The following IQGAP2 variants were observed in gnomAD, a reference collection of about 807,000 sequenced individuals.
IQGAP2 encodes the protein ras GTPase-activating-like protein IQGAP2.
A neutral mutation model predicts 201.3 loss-of-function variants in IQGAP2; 173 were observed. That is an observed-to-expected ratio of 0.86 (90% confidence interval 0.76 to 0.98). IQGAP2 has a LOEUF of 0.98. Ranked by LOEUF, IQGAP2 falls within the 50% of genes least tolerant of loss-of-function variation. The probability of loss-of-function intolerance (pLI) is 0.00; values close to 1 mark genes in which losing one functional copy is unlikely to be tolerated. For synonymous variants in IQGAP2, 675 were observed against 673.9 expected (o/e 1.00, Z -0.03); for missense variants, 1,687 against 1,864.8 (o/e 0.90, Z 1.76).
In IQGAP2 at chr5:76,439,690, A is replaced by G. The variant is rs189989880; in HGVS notation, c.47-21880A>G. On this transcript the variant is annotated intron_variant, in intron 1 of 35. Coordinates refer to ENST00000274364, the MANE Select transcript of IQGAP2 (RefSeq NM_006633.5). ...CTACTCTTGCTCTCTTTTGGTTTCCATTTGCGTGGAATACCTTTTTCACTC... is the reference window on the plus strand; with the variant it reads ...CTACTCTTGCTCTCTTTTGGTTTCCGTTTGCGTGGAATACCTTTTTCACTC... 6.1e-3 allele frequency among the ~76,000 whole-genome samples: 915 copies of G among 150,852 alleles called. 7 individuals are homozygous for G. The highest frequency in any genetic ancestry group is 0.02 in the African/African-American group (807 of 41,000).
intron 30 of IQGAP2, among the ~76,000 whole-genome samples, chr5:76,689,655 G>A (rs1456856558): frequency 6.6e-6 from 1 of 152,166 alleles, no homozygotes; most frequent in East Asian, 1.9e-4. Context: ...ACATGATTAA[G>A]TTTAGGTTCC....
chr5:76,464,366 G>A (rs1347236164), intron 2 of IQGAP2, among the ~76,000 whole-genome samples: 1 of 152,108 alleles, frequency 6.6e-6, no homozygotes, highest in Non-Finnish European at 1.5e-5. Flanking sequence ...TAGTACCTTT[G>A]GAATTTGTGA....
intron 2 of IQGAP2, among the ~76,000 whole-genome samples, chr5:76,481,274 T>C (rs977194315): frequency 3.3e-5 from 5 of 152,182 alleles, no homozygotes; most frequent in South Asian, 2.1e-4. Context: ...TTTTACCTTT[T>C]CTACTAGCCA....
chr5:76,603,866 T>C (rs188364624), intron 11 of IQGAP2, among the ~76,000 whole-genome samples: 4 of 152,302 alleles, frequency 2.6e-5, no homozygotes, highest in African/African-American at 9.6e-5. Flanking sequence ...GGAGAGGACA[T>C]TGACCTGTTT....
intron 2 of IQGAP2, among the ~76,000 whole-genome samples, chr5:76,473,183 C>T (rs544313775): frequency 4.6e-5 from 7 of 152,150 alleles, no homozygotes; most frequent in Non-Finnish European, 8.8e-5. Context: ...ATCATGTCTT[C>T]CTTGTAAGTC....
chr5:76,603,716 T>C (rs1427242004), intron 11 of IQGAP2, among the ~76,000 whole-genome samples: 3 of 152,228 alleles, frequency 2.0e-5, no homozygotes, highest in Non-Finnish European at 4.4e-5. Flanking sequence ...TGCCATGTTT[T>C]ACATGTAGTA....
intron 2 of IQGAP2, among the ~76,000 whole-genome samples, chr5:76,546,623 C>T (rs1215104109): frequency 3.9e-5 from 6 of 152,126 alleles, no homozygotes; most frequent in Non-Finnish European, 7.3e-5. Flanking sequence ...TCCTCTGTCA[C>T]GCCTGGCACA....
At chr5:76,563,527 T>C (rs184394780) in intron 3 of IQGAP2, among the ~76,000 whole-genome samples, 1 of 152,316 alleles carries the variant, frequency 6.6e-6, no homozygotes, top group African/African-American at 2.4e-5. Context: ...CTGTCTACTT[T>C]TTTACATTTG....
chr5:76,622,596 C>T (rs1401855043), intron 13 of IQGAP2, among the ~76,000 whole-genome samples: 1 of 152,062 alleles, frequency 6.6e-6, no homozygotes, highest in East Asian at 1.9e-4. Context: ...AAAGTACATT[C>T]AAAGTTGAAT....
intron 1 of IQGAP2, among the ~76,000 whole-genome samples, chr5:76,447,207 G>A (rs1255151223): frequency 6.6e-6 from 1 of 152,248 alleles, no homozygotes; most frequent in African/African-American, 2.4e-5. Flanking sequence ...CCTAGGCCTA[G>A]CTGGGAAGGT....
At chr5:76,484,891 G>T (rs1019528070) in intron 2 of IQGAP2, among the ~76,000 whole-genome samples, 3 of 152,174 alleles carry the variant, frequency 2.0e-5, no homozygotes, top group Non-Finnish European at 2.9e-5. Flanking sequence ...GAGTGCAGTG[G>T]CATGATCACG....
intron 30 of IQGAP2, among the ~76,000 whole-genome samples, chr5:76,693,145 A>ATAGAAAGCC (rs1746423756): frequency 6.6e-6 from 1 of 152,258 alleles, no homozygotes; most frequent in African/African-American, 2.4e-5. Flanking sequence ...AACATCAAGC[A>ATAGAAAGCC]CAGAAAGCCC....
At chr5:76,676,287 C>A (rs1240878605) in intron 27 of IQGAP2, among the ~76,000 whole-genome samples, 1 of 152,174 alleles carries the variant, frequency 6.6e-6, no homozygotes, top group African/African-American at 2.4e-5. Context: ...CTTTGTGTTT[C>A]TCAGAAATCT....
chr5:76,528,303 A>G (rs1759084409), intron 2 of IQGAP2, among the ~76,000 whole-genome samples: 1 of 152,130 alleles, frequency 6.6e-6, no homozygotes. Flanking sequence ...CTGTTATTTC[A>G]CATATTACTT....
intron 1 of IQGAP2, among the ~76,000 whole-genome samples, chr5:76,431,479 CTGTT>C (rs534165632): frequency 1.5e-3 from 230 of 152,078 alleles, no homozygotes; most frequent in Middle Eastern, 0.01. Context: ...GGGCACTAGT[CTGTT>C]TGGCATGCTT....
Position 76,698,165 on chromosome 5 carries a change from C to G in IQGAP2, c.4367+18C>G. On this transcript the variant is annotated intron_variant, in intron 33 of 35. Coordinates refer to ENST00000274364, the MANE Select transcript of IQGAP2 (RefSeq NM_006633.5). ...AAAAGAAAGTAAGTTAAAATCATGT[C>G]ATGTTCATTTGTAATGTCATGATTT... is the stretch of plus-strand genomic sequence containing the variant. The G allele has an allele frequency of 6.5e-7, 1 of 1,534,716 alleles. No individual in the cohort carries two copies. Among genetic ancestry groups the G allele is most frequent in the Non-Finnish European group, 9.0e-7 (1 of 1,115,932 alleles).
At chr5:76,659,574 A>G (rs1743073427) in intron 21 of IQGAP2, among the ~76,000 whole-genome samples, 1 of 152,230 alleles carries the variant, frequency 6.6e-6, no homozygotes, top group Non-Finnish European at 1.5e-5. Flanking sequence ...GGGAAAATGT[A>G]TTATGCATCT....
chr5:76,501,395 C>CA (rs1315275445), intron 2 of IQGAP2, among the ~76,000 whole-genome samples: 1 of 151,918 alleles, frequency 6.6e-6, no homozygotes, highest in Non-Finnish European at 1.5e-5. Context: ...GTAAGAACCC[C>CA]CGGCTCTATT....
chr5:76,617,950 C>G (rs371830993), intron 13 of IQGAP2: 6 of 1,614,056 alleles, frequency 3.7e-6, no homozygotes, highest in Non-Finnish European at 5.1e-6. Context: ...GATGAGGACT[C>G]GCAAGTGTTG....
Sources: gnomAD v4.1 joint callset for allele counts (sites outside exome capture counted in the v4.1 genomes callset) on GRCh38, gnomAD v4.1.1 for gene constraint, MANE v1.5 for transcripts, NCBI Gene and HGNC (gene_info 2026-07-23, HGNC 2026-07-21) for gene names.